JPH1: variants seen among roughly 807,000 people sequenced by gnomAD.
The protein encoded by JPH1 is junctophilin 1, also known as junctophilin-1.
Under a neutral mutation model 53.6 loss-of-function variants are expected in JPH1, and 12 were observed. That is an observed-to-expected ratio of 0.22 (90% confidence interval 0.14 to 0.36). The LOEUF (loss-of-function observed/expected upper bound fraction) is 0.36. Ranked by LOEUF, JPH1 falls within the 10% of genes least tolerant of loss-of-function variation. The pLI is 1.00. For missense variants in JPH1, 808 were observed against 905.5 expected, an observed-to-expected ratio of 0.89 and a Z score of 1.38; for synonymous variants, 375 against 363.8, an observed-to-expected ratio of 1.03 and a Z score of -0.35.
At chr8:74,308,263 C>A (rs1414936624) in intron 2 of JPH1, among the ~76,000 whole-genome samples, 4 of 152,148 alleles carry the variant, frequency 2.6e-5, no homozygotes, top group Non-Finnish European at 5.9e-5. Context: ...CTGACCAGCT[C>A]AATACTTATG....
chr8:74,280,425 A>T (rs1457808608), intron 2 of JPH1, among the ~76,000 whole-genome samples: 1 of 152,206 alleles, frequency 6.6e-6, no homozygotes, highest in Non-Finnish European at 1.5e-5. Context: ...GACTTCCAAG[A>T]ACTGGCCTAC....
chr8:74,280,745 G>A (rs1806989614), intron 2 of JPH1, among the ~76,000 whole-genome samples: 1 of 152,140 alleles, frequency 6.6e-6, no homozygotes. Flanking sequence ...ATTAAAAACT[G>A]AATATTTATA....
intron 2 of JPH1, among the ~76,000 whole-genome samples, chr8:74,261,133 T>G (rs1806384562): frequency 6.6e-6 from 1 of 152,146 alleles, no homozygotes; most frequent in Admixed American, 6.5e-5. Context: ...AGGGCATATC[T>G]GGGGGAGTTT....
At chr8:74,264,118 A>C (rs1224894882) in intron 2 of JPH1, among the ~76,000 whole-genome samples, 2 of 152,212 alleles carry the variant, frequency 1.3e-5, no homozygotes, top group East Asian at 3.8e-4. Flanking sequence ...GGGCCCTGAG[A>C]TGTCTGTCCC....
intron 2 of JPH1, among the ~76,000 whole-genome samples, chr8:74,269,406 G>A (rs1041448135): frequency 6.6e-6 from 1 of 152,204 alleles, no homozygotes; most frequent in Admixed American, 6.5e-5. Flanking sequence ...ATGTTTCCTT[G>A]TAGGAACTGC....
rs776250204 is a variant in JPH1 at position 74,315,466 on chromosome 8, G to A, written c.534C>T (p.Asp178=). The A allele has an allele frequency of 8.7e-6, 14 of 1,607,956 alleles. No homozygotes were observed. In the African/African-American group the frequency reaches 1.1e-4, roughly 12 times the overall value. ...CCGGGCTGTCGGCGGCGGCTGCGGC[G>A]TCGTGGAGCACGCTGCCATTGCTCT... is the stretch of plus-strand genomic sequence containing the variant. ...SEQSNGSVLH[D]AAAAADSPAG... Residue 178 remains aspartate (D), a synonymous_variant, in exon 2 of 6, where the codon GAC becomes GAT. Coordinates refer to ENST00000342232, the MANE Select transcript of JPH1 (RefSeq NM_020647.4). The surrounding 1 kb of genome is among the most constrained non-coding windows in gnomAD (Gnocchi z 6.3).
intron 2 of JPH1, among the ~76,000 whole-genome samples, chr8:74,280,522 G>T (rs901613500): frequency 6.6e-6 from 1 of 152,070 alleles, no homozygotes; most frequent in African/African-American, 2.4e-5. Context: ...TCTTATTAGT[G>T]ATGAAATGAA....
rs766036222 is a variant in JPH1 at position 74,315,171 on chromosome 8, T to C, written c.829A>G (p.Thr277Ala). 1.2e-6 allele frequency: 2 copies of C among 1,614,216 alleles called. No homozygotes were observed. Among genetic ancestry groups the C allele is most frequent in the East Asian group, 2.2e-5 (1 of 44,882 alleles). ...CPVEDHVDAT[T>A]TETYMGEWKN... is the part of the protein sequence containing the mutation. ...CACTCGCCCATGTAGGTTTCCGTGG[T>C]GGTGGCGTCCACGTGGTCTTCCACC... Residue 277 changes from threonine (T) to alanine (A), a missense_variant, in exon 2 of 6, where the codon ACC becomes GCC. Coordinates refer to ENST00000342232, the MANE Select transcript of JPH1 (RefSeq NM_020647.4). This position sits in a 1 kb window ranked among gnomAD's most constrained non-coding sequence, Gnocchi z 6.3.
intron 2 of JPH1, among the ~76,000 whole-genome samples, chr8:74,278,844 G>A (rs1806924686): frequency 6.6e-6 from 1 of 152,126 alleles, no homozygotes; most frequent in East Asian, 1.9e-4. Flanking sequence ...GTGTGACTCT[G>A]GCAGACCACT....
chr8:74,269,574 G>A (rs1015029176), intron 2 of JPH1, among the ~76,000 whole-genome samples: 4 of 152,164 alleles, frequency 2.6e-5, no homozygotes, highest in African/African-American at 9.7e-5. Context: ...AAGGGTATTT[G>A]CTTTGATTTA....
chr8:74,265,017 C>T (rs535987346), intron 2 of JPH1, among the ~76,000 whole-genome samples: 9 of 152,114 alleles, frequency 5.9e-5, no homozygotes, highest in South Asian at 2.1e-4. Flanking sequence ...TGTATGCACA[C>T]GGTAATCCTT....
intron 4 of JPH1, 117 bp downstream of exon 4, chr8:74,244,412 T>C: frequency 2.7e-6 from 3 of 1,117,484 alleles, no homozygotes; most frequent in Non-Finnish European, 3.8e-6. Context: ...TAAACAACCC[T>C]GTGCTTCTAG....
chr8:74,264,558 T>C (rs1420453578), intron 2 of JPH1, among the ~76,000 whole-genome samples: 2 of 152,204 alleles, frequency 1.3e-5, no homozygotes, highest in African/African-American at 2.4e-5. Flanking sequence ...CTAAGGGACA[T>C]AATATCCCTA....
intron 1 of JPH1, among the ~76,000 whole-genome samples, chr8:74,317,659 C>T (rs1191565058): frequency 6.6e-6 from 1 of 152,182 alleles, no homozygotes; most frequent in African/African-American, 2.4e-5. Flanking sequence ...GCTATAATCA[C>T]ATCCTCCTAA....
intron 2 of JPH1, among the ~76,000 whole-genome samples, chr8:74,261,591 G>A (rs1806397370): frequency 6.6e-6 from 1 of 152,178 alleles, no homozygotes. Flanking sequence ...CCTCATGGGT[G>A]CCATTGCTGA....
Position 74,321,465 on chromosome 8 carries a change from C to T in JPH1, c.-178G>A. 1.9e-6 allele frequency: 1 copy of T among 533,812 alleles called. No homozygotes were observed. Among genetic ancestry groups the T allele is most frequent in the Non-Finnish European group, 3.0e-6 (1 of 330,638 alleles). The allele number at this position is 533,812 out of a possible 1,614,324, so 33.1% of individuals were successfully genotyped here. A position where few individuals can be genotyped will look rare whatever the true frequency, so the allele number is the denominator to read the frequency against. ...GCCCCCGTCCTCCCTCCTCTTTTGC[C>T]GCCGCCACCGCCGCCTTCCTCCTCC... On this transcript the variant is annotated 5_prime_UTR_variant, in exon 1 of 6. Transcript: ENST00000342232. The surrounding 1 kb of genome is among the most constrained non-coding windows in gnomAD (Gnocchi z 4.3).
At chr8:74,254,766 C>A (rs1182903471) in intron 3 of JPH1, among the ~76,000 whole-genome samples, 2 of 151,926 alleles carry the variant, frequency 1.3e-5, no homozygotes, top group African/African-American at 4.8e-5. Context: ...AAACAGAGAG[C>A]CAAATCATGA....
chr8:74,276,946 A>C (rs866548325), intron 2 of JPH1, among the ~76,000 whole-genome samples: 17 of 152,252 alleles, frequency 1.1e-4, no homozygotes, highest in Admixed American at 9.2e-4. Flanking sequence ...AGTTTAAATA[A>C]GAGTATAATC....
chr8:74,251,151 G>A (rs1021282927), intron 3 of JPH1, among the ~76,000 whole-genome samples: 5 of 152,204 alleles, frequency 3.3e-5, no homozygotes, highest in African/African-American at 1.2e-4. Flanking sequence ...TAATAGAAAC[G>A]TCCTTGCCAA....
Sources: allele counts gnomAD v4.1 joint callset (sites outside exome capture counted in the v4.1 genomes callset), GRCh38; gene constraint gnomAD v4.1.1; non-coding constraint Gnocchi (gnomAD v3.1); transcripts MANE v1.5; gene names NCBI Gene and HGNC (gene_info 2026-07-23, HGNC 2026-07-21).